OLAH: variants seen among roughly 807,000 people sequenced by gnomAD.
OLAH encodes the protein S-acyl fatty acid synthase thioesterase, medium chain.
In OLAH, 33 loss-of-function variants were observed where a neutral mutation model predicts 27.8. The observed-to-expected ratio is 1.19, with a 90% CI of 0.90 to 1.59. The LOEUF is 1.59. Ranked by LOEUF, OLAH falls within the 40% of genes most tolerant of loss-of-function variation. The pLI, the probability that OLAH is intolerant of heterozygous loss-of-function variation, is 0.00. For synonymous variants in OLAH, 120 were observed against 102.9 expected (o/e 1.17, Z -1.01); for missense variants, 359 against 310.8 (o/e 1.16, Z -1.17).
intron 7 of OLAH, among the ~76,000 whole-genome samples, chr10:15,072,738 G>C (rs749805290): frequency 1.3e-5 from 2 of 151,724 alleles, no homozygotes; most frequent in South Asian, 4.2e-4. Context: ...AGGTTATCTC[G>C]AGGCCGTCAT....
chr10:15,058,037 A>G (rs982371795), intron 3 of OLAH, among the ~76,000 whole-genome samples: 1 of 152,218 alleles, frequency 6.6e-6, no homozygotes, highest in Non-Finnish European at 1.5e-5. Context: ...AAATCAGCTT[A>G]TCAATTTCCT....
At chr10:15,045,084 T>C (rs943522930) in intron 1 of OLAH, among the ~76,000 whole-genome samples, 7 of 152,204 alleles carry the variant, frequency 4.6e-5, no homozygotes, top group African/African-American at 1.2e-4. Context: ...TGAAAGCATC[T>C]TGAGGAGAGA....
At chr10:15,037,901 CA>C (rs1165500172) in intron 1 of OLAH, among the ~76,000 whole-genome samples, 3 of 152,230 alleles carry the variant, frequency 2.0e-5, no homozygotes, top group Non-Finnish European at 2.9e-5. Context: ...ACTGCCAACA[CA>C]AAGAGCCACA....
rs116599378 is a variant in OLAH, at chr10:15,072,591, A to T, written c.656-496A>T. Among the ~76,000 whole-genome samples the T allele has an allele frequency of 8.9e-3, 1,356 of 152,110 alleles. 16 individuals are homozygous for T. The highest frequency in any genetic ancestry group is 0.031 in the African/African-American group (1,298 of 41,492). On this transcript the variant is annotated intron_variant, in intron 7 of 7. Coordinates refer to ENST00000378228, the MANE Select transcript of OLAH (RefSeq NM_001039702.3). ...TTTCTCTTACAGATGAAGAGTATAT[A>T]TTGGTTTTAGGGTGAGGGGCTTATT...
intron 5 of OLAH, among the ~76,000 whole-genome samples, chr10:15,065,102 C>T (rs776935947): frequency 9.2e-5 from 14 of 152,226 alleles, no homozygotes; most frequent in Admixed American, 2.6e-4. Context: ...CTATTCCTGG[C>T]GTCTCTGAGC....
intron 4 of OLAH, among the ~76,000 whole-genome samples, chr10:15,062,283 A>C (rs537412999): frequency 1.3e-5 from 2 of 152,298 alleles, no homozygotes; most frequent in East Asian, 3.9e-4. Context: ...GGGTACAATA[A>C]CAATAGTTCC....
rs751431602 is a variant in OLAH, at chr10:15,073,254, TAATC to T, written c.*28_*31del. The T allele has an allele frequency of 3.5e-6, 5 of 1,410,110 alleles. No individual in the cohort carries two copies. The African/African-American group carries it at 4.3e-5, about 12-fold the overall frequency. 87.3% of individuals were successfully genotyped at this position (1,410,110 alleles called of 1,614,324 possible). On this transcript the variant is annotated 3_prime_UTR_variant, in exon 8 of 8. Coordinates refer to ENST00000378228, the MANE Select transcript of OLAH (RefSeq NM_001039702.3). ...GATATTTTCCCTTTCACTTTTAAAA[TAATC>T]AAAGTAATATCATACTCTTCTCAGT...
At chr10:15,062,188 G>A (rs1844381533) in intron 4 of OLAH, 1 of 182,048 alleles carries the variant, frequency 5.5e-6, no homozygotes, top group Non-Finnish European at 1.1e-5. Flanking sequence ...TTAAGTCAGA[G>A]ACCCTGGGGT....
At chr10:15,064,737 A>C (rs982988308) in intron 5 of OLAH, among the ~76,000 whole-genome samples, 1 of 152,180 alleles carries the variant, frequency 6.6e-6, no homozygotes, top group African/African-American at 2.4e-5. Flanking sequence ...GTCTCACTGC[A>C]ACCTCTGCTT....
At chr10:15,043,012 C>T (rs1422111690), upstream of OLAH, among the ~76,000 whole-genome samples, 1 of 151,846 alleles carries the variant, frequency 6.6e-6, no homozygotes, top group African/African-American at 2.4e-5. Context: ...AGGCGCCCGC[C>T]ACCACACCCA....
At chr10:15,057,438 T>C (rs974370369) in intron 3 of OLAH, among the ~76,000 whole-genome samples, 1 of 133,626 alleles carries the variant, frequency 7.5e-6, no homozygotes, top group African/African-American at 2.9e-5. Context: ...CGCTCTGGAG[T>C]GCAATGGCAC....
chr10:15,054,204 T>G (rs903393744), intron 3 of OLAH, among the ~76,000 whole-genome samples: 1 of 151,854 alleles, frequency 6.6e-6, no homozygotes, highest in African/African-American at 2.4e-5. Flanking sequence ...CCATGCCCAG[T>G]TGATTTTTGT....
At chr10:15,053,500 A>G (rs1257030676) in intron 3 of OLAH, among the ~76,000 whole-genome samples, 1 of 152,192 alleles carries the variant, frequency 6.6e-6, no homozygotes, top group African/African-American at 2.4e-5. Context: ...CACACTGGGC[A>G]TGCAGCCCCT....
chr10:15,070,534 G>GATCC (rs2131380832), intron 6 of OLAH, among the ~76,000 whole-genome samples: 1 of 152,260 alleles, frequency 6.6e-6, no homozygotes, highest in Admixed American at 6.5e-5. Flanking sequence ...GACCAGGCTG[G>GATCC]AGTGCAGTGG....
At chr10:15,063,011 T>TTAG (rs1404154606) in intron 4 of OLAH, among the ~76,000 whole-genome samples, 3 of 152,148 alleles carry the variant, frequency 2.0e-5, no homozygotes. Context: ...AGTGCTGGGA[T>TTAG]TACAGGTGTG....
In OLAH at chr10:15,049,749, T is replaced by C. The variant is rs1278040050; in HGVS notation, c.147T>C (p.Thr49=). 1.2e-6 allele frequency: 2 copies of C among 1,605,176 alleles called. No individual in the cohort carries two copies. ...ATTTTGCCAAATGGGGCCAAGATAC[T>C]CATGATTTGCTGGAAGGTATGTTAA... ...STHFAKWGQD[T]HDLLEVHSLR... Residue 49 remains threonine, a synonymous_variant, in exon 3 of 8, where the codon ACT becomes ACC. Coordinates refer to ENST00000378228, the MANE Select transcript of OLAH (RefSeq NM_001039702.3).
Position 15,073,531 on chromosome 10 carries a change from G to A in OLAH, c.*302G>A. 4.5e-6 allele frequency: 1 copy of A among 221,934 alleles called. No homozygotes were observed. The highest frequency in any genetic ancestry group is 1.5e-4 in the East Asian group (1 of 6,548). 13.7% of individuals were successfully genotyped at this position (221,934 alleles called of 1,614,324 possible). On this transcript the variant is annotated 3_prime_UTR_variant, in exon 8 of 8. Coordinates refer to ENST00000378228, the MANE Select transcript of OLAH (RefSeq NM_001039702.3). ...CAAAATTAGCCGGGCGTGGTGGTGG[G>A]CACCTGTAGTCCCAGCTACTCGGGA...
chr10:15,051,866 A>G (rs1226049609), intron 3 of OLAH, among the ~76,000 whole-genome samples: 1 of 152,200 alleles, frequency 6.6e-6, no homozygotes, highest in African/African-American at 2.4e-5. Flanking sequence ...ATATTTGCAC[A>G]TTTGTGGGAT....
At chr10:15,068,357 G>T (rs1844507491) in intron 6 of OLAH, among the ~76,000 whole-genome samples, 1 of 151,948 alleles carries the variant, frequency 6.6e-6, no homozygotes, top group Non-Finnish European at 1.5e-5. Context: ...CTTAACAATG[G>T]GTTATTTCTT....
Sources: allele counts gnomAD v4.1 joint callset (sites outside exome capture counted in the v4.1 genomes callset), GRCh38; gene constraint gnomAD v4.1.1; transcripts MANE v1.5; gene names NCBI Gene and HGNC (gene_info 2026-07-23, HGNC 2026-07-21).